Variants in SUGCT observed in about 807,000 individuals in gnomAD.
The protein encoded by SUGCT is succinyl-CoA:glutarate-CoA transferase.
Under a neutral mutation model 55.0 loss-of-function variants are expected in SUGCT, and 41 were observed. The ratio of observed to expected loss-of-function variants is 0.74; its 90% confidence interval spans 0.58 to 0.97. The LOEUF (loss-of-function observed/expected upper bound fraction) is 0.97. Ranked by LOEUF, SUGCT falls within the 50% of genes least tolerant of loss-of-function variation. The probability of loss-of-function intolerance (pLI) is 0.00; values close to 1 mark genes in which losing one functional copy is unlikely to be tolerated. For missense variants in SUGCT, 568 were observed against 547.8 expected (o/e 1.04, Z -0.37); for synonymous variants, 187 against 200.4 (o/e 0.93, Z 0.56).
chr7:40,902,133 C>T, the SUGCT span, among the ~76,000 whole-genome samples: 101 of 152,270 alleles, frequency 6.6e-4, no homozygotes, highest in East Asian at 5.8e-3. Flanking sequence ...CTGTGTTTTC[C>T]TTCCAAGTAA....
At chr7:40,405,573 G>T (rs1786314306) in intron 9 of SUGCT, among the ~76,000 whole-genome samples, 1 of 152,094 alleles carries the variant, frequency 6.6e-6, no homozygotes, top group African/African-American at 2.4e-5. Flanking sequence ...ACTTTGGGAG[G>T]CCAAGGCAGG....
intron 13 of SUGCT, among the ~76,000 whole-genome samples, chr7:40,771,476 T>C (rs913663865): frequency 1.3e-5 from 2 of 152,126 alleles, no homozygotes; most frequent in African/African-American, 4.8e-5. Context: ...AACAATGCCA[T>C]GAGGTTGTCA....
intron 13 of SUGCT, among the ~76,000 whole-genome samples, chr7:40,813,739 T>C (rs1193869672): frequency 6.6e-6 from 1 of 152,204 alleles, no homozygotes; most frequent in African/African-American, 2.4e-5. Flanking sequence ...TATTGATAGA[T>C]GAGGTTTTGA....
At chr7:40,910,969 G>C in the SUGCT span, among the ~76,000 whole-genome samples, 1 of 152,178 alleles carries the variant, frequency 6.6e-6, no homozygotes, top group Non-Finnish European at 1.5e-5. Context: ...TTTCAGGAAA[G>C]AAATAGAACT....
intron 11 of SUGCT, among the ~76,000 whole-genome samples, chr7:40,480,486 G>T (rs1276872345): frequency 6.6e-6 from 1 of 151,964 alleles, no homozygotes; most frequent in East Asian, 1.9e-4. Flanking sequence ...GCTCAAGATT[G>T]CTTTGGCTAT....
intron 12 of SUGCT, among the ~76,000 whole-genome samples, chr7:40,621,624 C>T (rs1175202989): frequency 1.3e-5 from 2 of 152,034 alleles, no homozygotes; most frequent in Admixed American, 1.3e-4. Context: ...TGGAGAAATC[C>T]GGTGATAAAA....
At chr7:40,636,595 A>G (rs1436189222) in intron 12 of SUGCT, among the ~76,000 whole-genome samples, 2 of 152,170 alleles carry the variant, frequency 1.3e-5, no homozygotes, top group Non-Finnish European at 2.9e-5. Flanking sequence ...TCTTAAAGAC[A>G]GTAAACTAGA....
intron 11 of SUGCT, among the ~76,000 whole-genome samples, chr7:40,491,338 G>A (rs186492422): frequency 2.2e-3 from 329 of 152,320 alleles, no homozygotes; most frequent in Admixed American, 4.6e-3. Context: ...TGCGAATGGA[G>A]GAGTAGTTGA....
At chr7:40,136,848 T>G (rs2150568211) in intron 1 of SUGCT, among the ~76,000 whole-genome samples, 1 of 152,118 alleles carries the variant, frequency 6.6e-6, no homozygotes, top group Middle Eastern at 3.4e-3. Context: ...ACAAAAAAAA[T>G]TAGCCGGGCT....
intron 12 of SUGCT, among the ~76,000 whole-genome samples, chr7:40,711,314 T>A (rs999067674): frequency 6.6e-5 from 10 of 152,080 alleles, no homozygotes; most frequent in Admixed American, 2.6e-4. Flanking sequence ...ATTCGAGACC[T>A]GCCTGGCCAA....
At chr7:40,419,412 G>A (rs2151365693) in intron 9 of SUGCT, among the ~76,000 whole-genome samples, 1 of 152,228 alleles carries the variant, frequency 6.6e-6, no homozygotes, top group South Asian at 2.1e-4. Flanking sequence ...ACTGAAAAGG[G>A]AAAAAATAAT....
chr7:40,468,021 C>T (rs1412955469), intron 11 of SUGCT, among the ~76,000 whole-genome samples: 1 of 146,826 alleles, frequency 6.8e-6, no homozygotes, highest in Non-Finnish European at 1.5e-5. Context: ...ATTCTATTCC[C>T]TTTCAAGAGA....
At chr7:40,308,249 C>G (rs1436394653) in intron 8 of SUGCT, among the ~76,000 whole-genome samples, 1 of 152,060 alleles carries the variant, frequency 6.6e-6, no homozygotes, top group African/African-American at 2.4e-5. Flanking sequence ...GGGCAGGGAG[C>G]AGAAAGGCTG....
chr7:40,831,862 A>C (rs1792684032), intron 13 of SUGCT, among the ~76,000 whole-genome samples: 1 of 152,218 alleles, frequency 6.6e-6, no homozygotes, highest in Non-Finnish European at 1.5e-5. Flanking sequence ...TTAAGGAGGA[A>C]GAGAGTACAG....
At chr7:40,577,912 C>G (rs1796855065) in intron 12 of SUGCT, among the ~76,000 whole-genome samples, 1 of 152,186 alleles carries the variant, frequency 6.6e-6, no homozygotes, top group Non-Finnish European at 1.5e-5. Flanking sequence ...CTGGCTTATA[C>G]ATTCATAAAA....
intron 12 of SUGCT, among the ~76,000 whole-genome samples, chr7:40,611,112 T>A (rs1248557164): frequency 6.6e-6 from 1 of 152,112 alleles, no homozygotes; most frequent in African/African-American, 2.4e-5. Context: ...GTACATTTCA[T>A]GGTTCACTCA....
At chr7:40,303,824 G>T (rs532565234) in intron 8 of SUGCT, among the ~76,000 whole-genome samples, 1 of 152,254 alleles carries the variant, frequency 6.6e-6, no homozygotes, top group South Asian at 2.1e-4. Flanking sequence ...ATTGAATGGT[G>T]TTGGCTCATG....
chr7:40,136,452 C>CT (rs1416739086), intron 1 of SUGCT, among the ~76,000 whole-genome samples: 1 of 152,200 alleles, frequency 6.6e-6, no homozygotes, highest in East Asian at 1.9e-4. Context: ...AGTGTGGTAT[C>CT]TTCTCAGCTT....
chr7:40,470,973 G>T (rs974582867), intron 11 of SUGCT, among the ~76,000 whole-genome samples: 1 of 152,052 alleles, frequency 6.6e-6, no homozygotes, highest in Non-Finnish European at 1.5e-5. Context: ...TTAAGTCTCA[G>T]TACTCTGTTC....
Sources: allele counts gnomAD v4.1 joint callset (sites outside exome capture counted in the v4.1 genomes callset), GRCh38; gene constraint gnomAD v4.1.1; transcripts MANE v1.5; gene names NCBI Gene and HGNC (gene_info 2026-07-23, HGNC 2026-07-21).